STARD13: variants seen among roughly 807,000 people sequenced by gnomAD.
The protein encoded by STARD13 is StAR related lipid transfer domain containing 13.
Under a neutral mutation model 106.4 loss-of-function variants are expected in STARD13, and 62 were observed. The observed-to-expected ratio is 0.58, with a 90% CI of 0.48 to 0.72. The LOEUF (loss-of-function observed/expected upper bound fraction) is 0.72, where lower values mean the gene tolerates loss of function less well. Among genes scored for constraint, STARD13 ranks in the 30% least tolerant of loss-of-function variants. STARD13 has a pLI of 0.00. For missense variants in STARD13, 1,387 were observed against 1,424.0 expected (o/e 0.97, Z 0.42); for synonymous variants, 565 against 553.0 (o/e 1.02, Z -0.31).
At chr13:33,338,598 G>A (rs2077922491) in intron 1 of STARD13, among the ~76,000 whole-genome samples, 3 of 152,094 alleles carry the variant, frequency 2.0e-5, no homozygotes, top group Non-Finnish European at 2.9e-5. Context: ...CCCAGTCAGA[G>A]CAAGGAGAGT....
intron 3 of STARD13, among the ~76,000 whole-genome samples, chr13:33,162,722 C>T (rs1882777257): frequency 1.3e-5 from 2 of 151,688 alleles, no homozygotes; most frequent in Admixed American, 1.3e-4. Context: ...GAGACAACCT[C>T]AACCTGGACT....
the STARD13 span, among the ~76,000 whole-genome samples, chr13:33,484,207 A>G: frequency 6.6e-6 from 1 of 152,178 alleles, no homozygotes; most frequent in Admixed American, 6.5e-5. Context: ...TTTATGGTTT[A>G]AGTGATAATA....
At position 33,251,150 on chromosome 13, in the gene STARD13, TATC is replaced by T. The variant is rs1253562266; in HGVS notation, c.169+34317_169+34319del. On this transcript the variant is annotated intron_variant, in intron 1 of 13. Transcript: ENST00000336934. ...GAGGCTCATGTTTTTATTTATAAAATATCATCACATCAACCTCACAGGATTTTT... is the reference window on the plus strand; with the variant it reads ...GAGGCTCATGTTTTTATTTATAAAATATCACATCAACCTCACAGGATTTTT... 2.6e-5 allele frequency among the ~76,000 whole-genome samples: 4 copies of T among 152,190 alleles called. No homozygotes were observed. In the East Asian group the frequency reaches 7.7e-4, roughly 29 times the overall value.
chr13:33,244,665 C>G (rs1889732947), intron 1 of STARD13, among the ~76,000 whole-genome samples: 1 of 152,122 alleles, frequency 6.6e-6, no homozygotes, highest in Non-Finnish European at 1.5e-5. Context: ...GAAGCCCAGG[C>G]TAGCCTCCTT....
chr13:33,588,815 TTCAC>T, the STARD13 span, among the ~76,000 whole-genome samples: 1 of 152,194 alleles, frequency 6.6e-6, no homozygotes, highest in Non-Finnish European at 1.5e-5. Flanking sequence ...CACTCATTCA[TTCAC>T]TCACTCACTT....
At chr13:33,586,012 T>C in the STARD13 span, among the ~76,000 whole-genome samples, 1 of 152,176 alleles carries the variant, frequency 6.6e-6, no homozygotes, top group African/African-American at 2.4e-5. Flanking sequence ...CCGGTGATGG[T>C]AGTGGATGCA....
chr13:33,410,054 A>G, the STARD13 span, among the ~76,000 whole-genome samples: 2 of 152,182 alleles, frequency 1.3e-5, no homozygotes, highest in African/African-American at 2.4e-5. Context: ...GCATGTCAGA[A>G]TTCCTCTAAT....
At chr13:33,185,932 T>A in intron 1 of STARD13, 1 of 1,614,234 alleles carries the variant, frequency 6.2e-7, no homozygotes, top group Non-Finnish European at 8.5e-7. Flanking sequence ...CCACAGACAG[T>A]GTCTTTGCAT....
At chr13:33,316,431 T>C (rs1893341061) in intron 1 of STARD13, among the ~76,000 whole-genome samples, 1 of 152,240 alleles carries the variant, frequency 6.6e-6, no homozygotes, top group African/African-American at 2.4e-5. Context: ...TTTAGTAATA[T>C]AAGATTTCCA....
intron 1 of STARD13, among the ~76,000 whole-genome samples, chr13:33,250,979 G>T (rs1339131897): frequency 6.6e-6 from 1 of 152,160 alleles, no homozygotes; most frequent in Non-Finnish European, 1.5e-5. Flanking sequence ...CATAGAAGGA[G>T]GGGAGAAATG....
At chr13:33,598,887 G>A in the STARD13 span, among the ~76,000 whole-genome samples, 4 of 152,164 alleles carry the variant, frequency 2.6e-5, no homozygotes, top group Non-Finnish European at 5.9e-5. Context: ...GAAGACAGTA[G>A]GCTCTCCTTA....
chr13:33,478,131 A>T, the STARD13 span, among the ~76,000 whole-genome samples: 2 of 151,870 alleles, frequency 1.3e-5, no homozygotes, highest in Non-Finnish European at 2.9e-5. Flanking sequence ...CACTATGTAA[A>T]CTCCCAATTT....
chr13:33,642,023 A>G, the STARD13 span, among the ~76,000 whole-genome samples: 1 of 152,232 alleles, frequency 6.6e-6, no homozygotes, highest in African/African-American at 2.4e-5. Flanking sequence ...AGGCTCTTTG[A>G]AAATAGTAAT....
At chr13:33,294,720 T>C (rs1892421759) in intron 1 of STARD13, among the ~76,000 whole-genome samples, 1 of 152,224 alleles carries the variant, frequency 6.6e-6, no homozygotes, top group Non-Finnish European at 1.5e-5. Context: ...TTTAGTCTTT[T>C]AGGTAGAATT....
intron 1 of STARD13, among the ~76,000 whole-genome samples, chr13:33,219,497 C>T (rs142958130): frequency 0.068 from 8,139 of 120,222 alleles, 398 homozygotes; most frequent in African/African-American, 0.14. Context: ...CCAGCCTGGG[C>T]GACAGAGTGA....
chr13:33,254,672 C>A (rs981588782), intron 1 of STARD13, among the ~76,000 whole-genome samples: 1 of 152,144 alleles, frequency 6.6e-6, no homozygotes, highest in South Asian at 2.1e-4. Context: ...GGTGAGGAGA[C>A]AAGCACACGA....
At chr13:33,322,501 G>A (rs1331410229) in intron 1 of STARD13, among the ~76,000 whole-genome samples, 1 of 152,176 alleles carries the variant, frequency 6.6e-6, no homozygotes, top group African/African-American at 2.4e-5. Flanking sequence ...AAGTAGGAAA[G>A]GCATGTTTTC....
chr13:33,328,339 C>T (rs1288691461), intron 1 of STARD13, among the ~76,000 whole-genome samples: 2 of 152,186 alleles, frequency 1.3e-5, no homozygotes, highest in Non-Finnish European at 2.9e-5. Flanking sequence ...AATCAGCTAA[C>T]ATTTTAGAGT....
chr13:33,636,838 A>T, the STARD13 span, among the ~76,000 whole-genome samples: 1 of 152,240 alleles, frequency 6.6e-6, no homozygotes, highest in Non-Finnish European at 1.5e-5. Flanking sequence ...CGTCCAAGTT[A>T]TACCACTTAC....
Sources: gnomAD v4.1 joint callset for allele counts (sites outside exome capture counted in the v4.1 genomes callset) on GRCh38, gnomAD v4.1.1 for gene constraint, MANE v1.5 for transcripts, NCBI Gene and HGNC (gene_info 2026-07-23, HGNC 2026-07-21) for gene names.